The following SLC8A3 variants were observed in gnomAD, a reference collection of about 807,000 sequenced individuals.
The protein encoded by SLC8A3 is sodium/calcium exchanger 3.
SLC8A3 carries 37 observed loss-of-function variants against 65.4 expected under a neutral mutation model. The observed-to-expected ratio is 0.57, with a 90% CI of 0.44 to 0.74. The LOEUF is 0.74. Among genes scored for constraint, SLC8A3 ranks in the 30% least tolerant of loss-of-function variants. The probability of loss-of-function intolerance (pLI) is 0.00; values close to 1 mark genes in which losing one functional copy is unlikely to be tolerated. For missense variants in SLC8A3, 1,112 were observed against 1,172.1 expected, an observed-to-expected ratio of 0.95 and a Z score of 0.75; for synonymous variants, 461 against 444.5, an observed-to-expected ratio of 1.04 and a Z score of -0.47.
chr14:70,185,671 C>T (rs1166188736), intron 1 of SLC8A3, among the ~76,000 whole-genome samples: 2 of 152,348 alleles, frequency 1.3e-5, no homozygotes, highest in East Asian at 3.9e-4. Flanking sequence ...ACTCATTCAA[C>T]CAACATTTAC....
At chr14:70,131,750 AT>A in intron 2 of SLC8A3, among the ~76,000 whole-genome samples, 1 of 152,246 alleles carries the variant, frequency 6.6e-6, no homozygotes. Flanking sequence ...GACATTGTAT[AT>A]GCGTGAAAAT....
intron 2 of SLC8A3, among the ~76,000 whole-genome samples, chr14:70,107,263 GA>G (rs145225311): frequency 0.036 from 5,374 of 149,576 alleles, 339 homozygotes; most frequent in African/African-American, 0.12. Context: ...AAATGAACTA[GA>G]AAAAAAAAAT....
chr14:70,140,205 C>A (rs1408491289), intron 2 of SLC8A3, among the ~76,000 whole-genome samples: 1 of 152,022 alleles, frequency 6.6e-6, no homozygotes, highest in African/African-American at 2.4e-5. Flanking sequence ...AGAGGGAGGG[C>A]AACAAAACAA....
chr14:70,074,394 G>A (rs1003439712), intron 2 of SLC8A3, among the ~76,000 whole-genome samples: 1 of 152,202 alleles, frequency 6.6e-6, no homozygotes, highest in Middle Eastern at 3.2e-3. Flanking sequence ...GGAGTCAGTG[G>A]GCCTAAGTGC....
intron 3 of SLC8A3, among the ~76,000 whole-genome samples, chr14:70,058,122 T>G (rs72729833): frequency 6.6e-6 from 1 of 152,192 alleles, no homozygotes; most frequent in Non-Finnish European, 1.5e-5. Context: ...TTGCCAAAAA[T>G]AGAGTCTCCT....
chr14:70,081,549 G>A (rs1891053048), intron 2 of SLC8A3, among the ~76,000 whole-genome samples: 1 of 152,216 alleles, frequency 6.6e-6, no homozygotes. Flanking sequence ...TCCATCAGTG[G>A]CTGATCCCTG....
chr14:70,055,719 A>G, intron 3 of SLC8A3: 1 of 1,248,118 alleles, frequency 8.0e-7, no homozygotes, highest in Non-Finnish European at 1.1e-6. Context: ...TCAATAAATC[A>G]AAGGACATTG....
intron 2 of SLC8A3, among the ~76,000 whole-genome samples, chr14:70,079,637 C>T (rs2139991390): frequency 6.6e-6 from 1 of 152,262 alleles, no homozygotes; most frequent in Admixed American, 6.5e-5. Flanking sequence ...TAATGGCCCC[C>T]ACCCCCATGC....
chr14:70,109,583 G>T (rs1334697706), intron 2 of SLC8A3, among the ~76,000 whole-genome samples: 2 of 151,576 alleles, frequency 1.3e-5, no homozygotes, highest in Non-Finnish European at 2.9e-5. Context: ...GCCTCCCAAG[G>T]AGCTGAGACT....
chr14:70,159,146 T>A (rs976439341), intron 2 of SLC8A3, among the ~76,000 whole-genome samples: 1 of 152,180 alleles, frequency 6.6e-6, no homozygotes, highest in African/African-American at 2.4e-5. Context: ...CAGTGGTTCA[T>A]ACCTGTAATC....
intron 2 of SLC8A3, among the ~76,000 whole-genome samples, chr14:70,137,303 C>T (rs1456808784): frequency 1.3e-5 from 2 of 152,066 alleles, no homozygotes; most frequent in African/African-American, 4.8e-5. Flanking sequence ...CAGGCATGTG[C>T]CACCATGCCT....
At chr14:70,078,804 AT>A (rs777894701) in intron 2 of SLC8A3, among the ~76,000 whole-genome samples, 4 of 152,178 alleles carry the variant, frequency 2.6e-5, no homozygotes, top group African/African-American at 4.8e-5. Flanking sequence ...TATTAGATGG[AT>A]TTCATGATTA....
At chr14:70,150,450 T>C (rs1251326130) in intron 2 of SLC8A3, among the ~76,000 whole-genome samples, 1 of 152,162 alleles carries the variant, frequency 6.6e-6, no homozygotes, top group Non-Finnish European at 1.5e-5. Flanking sequence ...ACTTCTGTTA[T>C]TGGTGATTTT....
intron 2 of SLC8A3, among the ~76,000 whole-genome samples, chr14:70,086,406 T>C (rs1318295596): frequency 1.4e-5 from 2 of 140,728 alleles, no homozygotes; most frequent in Admixed American, 7.2e-5. Context: ...TTTTTCTTTT[T>C]TTTTTTTTTT....
intron 2 of SLC8A3, among the ~76,000 whole-genome samples, chr14:70,141,925 C>T (rs1895603672): frequency 6.6e-6 from 1 of 152,200 alleles, no homozygotes; most frequent in Non-Finnish European, 1.5e-5. Flanking sequence ...AGAGGACACC[C>T]ACCTAGCTGT....
chr14:70,110,725 G>A (rs189298685), intron 2 of SLC8A3, among the ~76,000 whole-genome samples: 15 of 139,908 alleles, frequency 1.1e-4, no homozygotes, highest in Non-Finnish European at 1.5e-5. Flanking sequence ...CTTTCACCCA[G>A]GCCAGACTGC....
chr14:70,156,689 C>T (rs1317379139), intron 2 of SLC8A3, among the ~76,000 whole-genome samples: 2 of 151,940 alleles, frequency 1.3e-5, no homozygotes, highest in African/African-American at 4.8e-5. Context: ...TTTGCAGCTC[C>T]TAGGATAAAG....
rs563950793 is a variant in SLC8A3 at position 70,089,391 on chromosome 14, T to C, written c.1785-28452A>G. Among the ~76,000 whole-genome samples the C allele has an allele frequency of 1.6e-4, 24 of 152,314 alleles. No individual in the cohort carries two copies. The South Asian group carries it at 4.6e-3, about 29-fold the overall frequency. ...CCAAACCATAACAGGAGCTCATAAA[T>C]GCTTATGAAATGAATGAAAAGAGAT... On this transcript the variant is annotated intron_variant, in intron 2 of 6. Coordinates refer to ENST00000356921, the MANE Select transcript of SLC8A3 (RefSeq NM_182932.3).
At chr14:70,073,575 C>A (rs150943) in intron 2 of SLC8A3, among the ~76,000 whole-genome samples, 15,218 of 152,192 alleles carry the variant, frequency 0.1, 923 homozygotes, top group African/African-American at 0.16. Flanking sequence ...TGAGAAGAAT[C>A]TATAAAATCA....
Sources: gnomAD v4.1 joint callset for allele counts (sites outside exome capture counted in the v4.1 genomes callset) on GRCh38, gnomAD v4.1.1 for gene constraint, MANE v1.5 for transcripts, NCBI Gene and HGNC (gene_info 2026-07-23, HGNC 2026-07-21) for gene names.